The following ZNG1E variants were observed in gnomAD, a reference collection of about 807,000 sequenced individuals.
The protein encoded by ZNG1E is Zn regulated GTPase metalloprotein activator 1E, also known as zinc-regulated GTPase metalloprotein activator 1E.
chr9:65,704,910 C>CCAAA, the ZNG1E span: 1 of 57,626 alleles, frequency 1.7e-5, no homozygotes, highest in Non-Finnish European at 3.0e-5. Context: ...GACTCTGTCT[C>CCAAA]AAAAAAAAAA....
At chr9:65,668,134 A>G in the ZNG1E span, among the ~76,000 whole-genome samples, 26 of 151,180 alleles carry the variant, frequency 1.7e-4, no homozygotes, top group Admixed American at 1.1e-3. Context: ...CAAAAGCCAC[A>G]TATGTATACA....
chr9:65,710,470 G>C, the ZNG1E span, among the ~76,000 whole-genome samples: 1 of 150,902 alleles, frequency 6.6e-6, no homozygotes, highest in South Asian at 2.1e-4. Context: ...TTTTCTTCTA[G>C]GGTTTTTATG....
At chr9:65,678,776 C>A in the ZNG1E span, among the ~76,000 whole-genome samples, 1 of 94,708 alleles carries the variant, frequency 1.1e-5, no homozygotes, top group Non-Finnish European at 2.2e-5. Flanking sequence ...TGGTTCTATT[C>A]CCCATTTCAT....
At chr9:65,715,311 G>GA in the ZNG1E span, among the ~76,000 whole-genome samples, 1 of 150,616 alleles carries the variant, frequency 6.6e-6, no homozygotes, top group African/African-American at 2.5e-5. Flanking sequence ...ACTCCCTAGT[G>GA]AGATGAACCC....
the ZNG1E span, among the ~76,000 whole-genome samples, chr9:65,687,824 G>T: frequency 6.7e-6 from 1 of 150,056 alleles, no homozygotes. Flanking sequence ...AAATGCCTGA[G>T]AGTTTTCTTC....
the ZNG1E span, chr9:65,681,848 T>A: frequency 6.6e-7 from 1 of 1,520,284 alleles, no homozygotes; most frequent in African/African-American, 1.4e-5. Flanking sequence ...TGCTGTCTTT[T>A]CTATCTGCTC....
the ZNG1E span, among the ~76,000 whole-genome samples, chr9:65,681,325 A>G: frequency 6.6e-6 from 1 of 152,240 alleles, no homozygotes; most frequent in Non-Finnish European, 1.5e-5. Context: ...TAAGAGGCCT[A>G]AGGAGGAAGT....
chr9:65,665,449 A>G, the ZNG1E span, among the ~76,000 whole-genome samples: 1 of 152,276 alleles, frequency 6.6e-6, no homozygotes, highest in African/African-American at 2.4e-5. Context: ...TCAAGAATTG[A>G]GGTTTGGGAA....
At chr9:65,656,540 G>T in the ZNG1E span, among the ~76,000 whole-genome samples, 1 of 152,066 alleles carries the variant, frequency 6.6e-6, no homozygotes, top group Non-Finnish European at 1.5e-5. Flanking sequence ...TAGGAGGATT[G>T]GGTTATAAGT....
chr9:65,657,855 C>A, the ZNG1E span, among the ~76,000 whole-genome samples: 1 of 152,288 alleles, frequency 6.6e-6, no homozygotes, highest in African/African-American at 2.4e-5. Context: ...AATCCCAGCA[C>A]TTTGGGAGGC....
the ZNG1E span, among the ~76,000 whole-genome samples, chr9:65,660,868 A>G: frequency 6.9e-6 from 1 of 145,556 alleles, no homozygotes; most frequent in African/African-American, 2.5e-5. Context: ...ATAAAAATTT[A>G]TATATAAATA....
chr9:65,681,178 A>G, the ZNG1E span, among the ~76,000 whole-genome samples: 13 of 152,138 alleles, frequency 8.5e-5, no homozygotes, highest in African/African-American at 2.2e-4. Context: ...AAGAATGAAA[A>G]GAAAAAGATA....
chr9:65,664,115 G>T, the ZNG1E span, among the ~76,000 whole-genome samples: 2 of 152,022 alleles, frequency 1.3e-5, no homozygotes, highest in Non-Finnish European at 2.9e-5. Context: ...ACTTATAATT[G>T]TTATTCTACA....
the ZNG1E span, among the ~76,000 whole-genome samples, chr9:65,669,796 G>A: frequency 1.3e-5 from 2 of 151,772 alleles, no homozygotes; most frequent in East Asian, 1.9e-4. Flanking sequence ...TCACCTGCTA[G>A]TCATCTTCAG....
chr9:65,687,559 T>G, the ZNG1E span, among the ~76,000 whole-genome samples: 2 of 152,340 alleles, frequency 1.3e-5, no homozygotes, highest in South Asian at 2.1e-4. Flanking sequence ...CTGGATTTCT[T>G]TGTCCAATGT....
At chr9:65,680,979 G>C in the ZNG1E span, among the ~76,000 whole-genome samples, 10 of 152,174 alleles carry the variant, frequency 6.6e-5, no homozygotes, top group Non-Finnish European at 1.5e-4. Context: ...TAGTAGAGAT[G>C]AGGTTTCATT....
chr9:65,678,619 CTA>C, the ZNG1E span, among the ~76,000 whole-genome samples: 1 of 142,118 alleles, frequency 7.0e-6, no homozygotes, highest in Non-Finnish European at 1.5e-5. Context: ...TTTTTTTCCT[CTA>C]TGAATTTTAG....
At chr9:65,714,688 C>T in the ZNG1E span, among the ~76,000 whole-genome samples, 1 of 146,936 alleles carries the variant, frequency 6.8e-6, no homozygotes, top group Non-Finnish European at 1.5e-5. Context: ...CTCCCAGTTA[C>T]CTCCCAGGGG....
At chr9:65,668,470 C>T in the ZNG1E span, among the ~76,000 whole-genome samples, 1 of 150,590 alleles carries the variant, frequency 6.6e-6, no homozygotes. Context: ...AGGTATAATA[C>T]ATAATTTATA....
Sources: gnomAD v4.1 joint callset for allele counts (sites outside exome capture counted in the v4.1 genomes callset) on GRCh38, gnomAD v4.1.1 for gene constraint, MANE v1.5 for transcripts, NCBI Gene and HGNC (gene_info 2026-07-23, HGNC 2026-07-21) for gene names.